Variants in DNAH10 observed in about 807,000 individuals in gnomAD.
The protein encoded by DNAH10 is dynein axonemal heavy chain 10.
DNAH10 carries 348 observed loss-of-function variants against 506.6 expected under a neutral mutation model. That is an observed-to-expected ratio of 0.69 (90% CI 0.63 to 0.75). The LOEUF (loss-of-function observed/expected upper bound fraction) is 0.75. Among genes scored for constraint, DNAH10 ranks in the 30% least tolerant of loss-of-function variants. The pLI, the probability that DNAH10 is intolerant of heterozygous loss-of-function variation, is 0.00. For synonymous variants in DNAH10, 2,059 were observed against 2,198.6 expected (o/e 0.94, Z 1.78); for missense variants, 5,179 against 5,787.1 (o/e 0.89, Z 3.41).
chr12:123,866,169 C>A, intron 41 of DNAH10, 96 bp downstream of exon 41: 1 of 1,002,316 alleles, frequency 1.0e-6, no homozygotes, highest in Non-Finnish European at 1.3e-6. Context: ...AAGGCGATGA[C>A]TTTGTCCTTG....
intron 35 of DNAH10, 142 bp downstream of exon 35, chr12:123,851,218 G>C (rs1488869671): frequency 1.1e-6 from 1 of 871,162 alleles, no homozygotes; most frequent in Non-Finnish European, 1.6e-6. Flanking sequence ...GGCTCTTCCA[G>C]ATGGGACCTA....
In DNAH10 at chr12:123,800,095, A is replaced by AC; in HGVS notation, c.2290-116dup. The AC allele has an allele frequency of 3.5e-6, 3 of 846,596 alleles. No homozygotes were observed. In the South Asian group the frequency reaches 9.1e-5, roughly 26 times the overall value. 52.4% of individuals were successfully genotyped at this position (846,596 alleles called of 1,614,324 possible). ...CATATTCCAGCCAGTTCCAGCCAGC[A>AC]CCCCCGTCTGGTGAAGGGCCCAGTG... On this transcript the variant is annotated intron_variant, in intron 14 of 78. Transcript: ENST00000673944.
Position 123,833,297 on chromosome 12 carries a change from A to T in DNAH10, c.4729A>T (p.Thr1577Ser). ...CAGATTTGTGGGGCCTTTTCTGCAA[A>T]CTGTTCACAAATGGGAAAAAACGCT... Reference protein sequence around the residue: ...GSRFVGPFLQTVHKWEKTLSL... With the variant: ...GSRFVGPFLQSVHKWEKTLSL... The change falls in exon 27 of 79, where the codon ACT becomes TCT. Residue 1577 changes from threonine (T) to serine (S), a missense_variant. Thr to Ser is a moderately conservative substitution (Grantham distance 58). Transcript: ENST00000673944. 6.2e-7 allele frequency: 1 copy of T among 1,613,776 alleles called. No homozygotes were observed. The highest frequency in any genetic ancestry group is 8.5e-7 in the Non-Finnish European group (1 of 1,179,820).
At chr12:123,819,346 G>C (rs1331482945) in intron 23 of DNAH10, 96 bp downstream of exon 23, 2 of 852,262 alleles carry the variant, frequency 2.3e-6, no homozygotes, top group Admixed American at 5.2e-5. Flanking sequence ...TGATGGTGCC[G>C]TGATTAAAAT....
chr12:123,879,501 A>T, intron 49 of DNAH10, 133 bp from the exon 50 acceptor site: 1 of 1,463,592 alleles, frequency 6.8e-7, no homozygotes, highest in Admixed American at 2.2e-5. Context: ...TGGGTTATTA[A>T]GCGTCTTGCA....
intron 51 of DNAH10, chr12:123,882,173 T>A (rs1441368224): frequency 5.7e-6 from 1 of 174,096 alleles, no homozygotes; most frequent in African/African-American, 2.4e-5. Flanking sequence ...CCATCTGTAT[T>A]GCTTTGTTTT....
In DNAH10 at chr12:123,934,750, A is replaced by C. The variant is rs1349424030; in HGVS notation, c.13607A>C (p.His4536Pro). ...PILKIIPIEA[H>P]RLKLQNTFRT... ...CTGAAGATCATCCCCATTGAAGCCC[A>C]TCGCCTCAAGCTGCAGGTGAAGGTC... The change falls in exon 78 of 79, where the codon CAT becomes CCT. Residue 4536 changes from histidine to proline, a missense_variant. His to Pro is a moderately conservative substitution (Grantham distance 77). Coordinates refer to ENST00000673944, the MANE Select transcript of DNAH10 (RefSeq NM_001372106.1). 1.2e-6 allele frequency: 2 copies of C among 1,613,726 alleles called. No individual in the cohort carries two copies. Among genetic ancestry groups the C allele is most frequent in the Admixed American group, 1.7e-5 (1 of 60,004 alleles).
chr12:123,865,119 A>G (rs1034017093), intron 40 of DNAH10, among the ~76,000 whole-genome samples: 1 of 152,252 alleles, frequency 6.6e-6, no homozygotes, highest in South Asian at 2.1e-4. Flanking sequence ...TGTTTACATT[A>G]TAATGAAGAT....
At chr12:123,791,214 T>G (rs1958067611) in intron 11 of DNAH10, among the ~76,000 whole-genome samples, 1 of 152,140 alleles carries the variant, frequency 6.6e-6, no homozygotes, top group Non-Finnish European at 1.5e-5. Context: ...TATAGGCTGC[T>G]TTGGACTGGG....
chr12:123,808,322 C>A (rs1173630865), intron 18 of DNAH10, among the ~76,000 whole-genome samples: 1 of 152,140 alleles, frequency 6.6e-6, no homozygotes, highest in Non-Finnish European at 1.5e-5. Context: ...TGAGCCACTG[C>A]GCCCCGCTAG....
At position 123,848,875 on chromosome 12, in the gene DNAH10, C is replaced by T. The variant is rs755407023; in HGVS notation, c.6095C>T (p.Thr2032Met). Residue 2032 changes from threonine (T) to methionine (M), a missense_variant, in exon 34 of 79, where the codon ACG becomes ATG. Thr to Met is a moderately conservative substitution (Grantham distance 81). Around this residue, in one of 3 missense-constraint regions of DNAH10, gnomAD observed 4,844 missense variants for 5,430.5 expected, o/e 0.89. Coordinates refer to ENST00000673944, the MANE Select transcript of DNAH10 (RefSeq NM_001372106.1). The part of the protein sequence containing the change: ...IRNALIHQLT[T>M]FQFEGQEISL... ...AATGCTCTGATCCATCAGTTAACCA[C>T]GTTCCAGGTGAGACACATGAAGCCC... is the stretch of plus-strand genomic sequence containing the variant. 10 of 1,613,538 alleles carry T rather than the reference C, an allele frequency of 6.2e-6. No individual in the cohort carries two copies. Among genetic ancestry groups the T allele is most frequent in the Admixed American group, 3.3e-5 (2 of 59,938 alleles).
chr12:123,765,600 A>C (rs201363399), intron 1 of DNAH10, among the ~76,000 whole-genome samples: 54 of 74,894 alleles, frequency 7.2e-4, no homozygotes, highest in African/African-American at 2.3e-3. Flanking sequence ...ATCTATCTAT[A>C]CATACCTCTA....
intron 47 of DNAH10, among the ~76,000 whole-genome samples, 165 bp downstream of exon 47, chr12:123,875,656 A>G (rs951565934): frequency 2.0e-5 from 3 of 152,206 alleles, no homozygotes; most frequent in African/African-American, 7.2e-5. Flanking sequence ...GAAAAAAATC[A>G]TCTTTATACG....
At chr12:123,821,318 C>G (rs940733685) in intron 24 of DNAH10, among the ~76,000 whole-genome samples, 2 of 151,852 alleles carry the variant, frequency 1.3e-5, no homozygotes, top group Non-Finnish European at 2.9e-5. Context: ...GTACTTGATG[C>G]CACGGAATTG....
chr12:123,800,023 C>T lies in DNAH10; in HGVS notation c.2290-193C>T, dbSNP rs367585402. Among the ~76,000 whole-genome samples, 27 of 152,230 alleles carry T rather than the reference C, an allele frequency of 1.8e-4. No homozygotes were observed. In the South Asian group the frequency reaches 3.3e-3, roughly 19 times the overall value. On this transcript the variant is annotated intron_variant, in intron 14 of 78. Transcript: ENST00000673944. ...GTGAAATTGCTCCATTTTCAAATGC[C>T]GGCAACTGAATTGATTCTTCAAAAT... is the stretch of plus-strand genomic sequence containing the variant.
chr12:123,846,190 C>T lies in DNAH10; in HGVS notation c.5814+36C>T. 6.3e-7 allele frequency: 1 copy of T among 1,587,490 alleles called. No homozygotes were observed. The highest frequency in any genetic ancestry group is 8.6e-7 in the Non-Finnish European group (1 of 1,166,128). On this transcript the variant is annotated intron_variant, in intron 32 of 78. Coordinates refer to ENST00000673944, the MANE Select transcript of DNAH10 (RefSeq NM_001372106.1). This position sits in a 1 kb window ranked among gnomAD's most constrained non-coding sequence, Gnocchi z 4.5. ...GCCTGGCACTTGTGGTTACCACTTACCTTGGGGCGGGGCATTTTCTCTAAG... is the reference window on the plus strand; with the variant it reads ...GCCTGGCACTTGTGGTTACCACTTATCTTGGGGCGGGGCATTTTCTCTAAG...
At chr12:123,904,854 T>A (rs895058202) in intron 57 of DNAH10, among the ~76,000 whole-genome samples, 1 of 152,190 alleles carries the variant, frequency 6.6e-6, no homozygotes, top group African/African-American at 2.4e-5. Context: ...TGATTATGGC[T>A]CCAGCATCCA....
chr12:123,764,435 C>T (rs1022495562), intron 1 of DNAH10, among the ~76,000 whole-genome samples: 1 of 152,078 alleles, frequency 6.6e-6, no homozygotes, highest in Admixed American at 6.5e-5. Context: ...AAAACACACT[C>T]GCAGGATTGA....
At chr12:123,810,290 T>C (rs1565931905) in intron 19 of DNAH10, among the ~76,000 whole-genome samples, 1 of 152,262 alleles carries the variant, frequency 6.6e-6, no homozygotes, top group Non-Finnish European at 1.5e-5. Flanking sequence ...CCTCTTCACT[T>C]GGCTTGTTCA....
Sources: allele counts gnomAD v4.1 joint callset (sites outside exome capture counted in the v4.1 genomes callset), GRCh38; gene constraint gnomAD v4.1.1; regional missense constraint gnomAD v4.1.1; non-coding constraint Gnocchi (gnomAD v3.1); transcripts MANE v1.5; gene names NCBI Gene and HGNC (gene_info 2026-07-23, HGNC 2026-07-21).